Variants in SCAMP1 observed in about 807,000 individuals in gnomAD.
The protein encoded by SCAMP1 is secretory carrier membrane protein 1, also known as secretory carrier-associated membrane protein 1.
In SCAMP1, 15 loss-of-function variants were observed where a neutral mutation model predicts 41.8. The observed-to-expected ratio is 0.36, with a 90% CI of 0.24 to 0.55. SCAMP1 has a LOEUF of 0.55. Ranked by LOEUF, SCAMP1 falls within the 20% of genes least tolerant of loss-of-function variation. SCAMP1 has a pLI of 0.86. For missense variants in SCAMP1, 341 were observed against 412.6 expected (o/e 0.83, Z 1.50); for synonymous variants, 135 against 136.8 (o/e 0.99, Z 0.09).
rs1480232550 is a variant in SCAMP1 at position 78,476,750 on chromosome 5, G to A, written c.*1082G>A. The A allele has an allele frequency of 2.6e-5, 4 of 152,326 alleles. No individual in the cohort carries two copies. Among genetic ancestry groups the A allele is most frequent in the African/African-American group, 9.7e-5 (4 of 41,338 alleles). 9.4% of individuals were successfully genotyped at this position (152,326 alleles called of 1,614,324 possible). ...TTTTCACATACTTGAATCCCTAAAT[G>A]CACCTGTCTTTCACTTTTTGAGACA... On this transcript the variant is annotated 3_prime_UTR_variant, in exon 9 of 9. Coordinates refer to ENST00000621999, the MANE Select transcript of SCAMP1 (RefSeq NM_004866.6).
chr5:78,370,244 G>C (rs961743416), intron 1 of SCAMP1, among the ~76,000 whole-genome samples: 1 of 152,202 alleles, frequency 6.6e-6, no homozygotes, highest in Non-Finnish European at 1.5e-5. Context: ...ACAGTTTTTG[G>C]TGGTGTAGTG....
At chr5:78,372,404 T>G (rs934462158) in intron 1 of SCAMP1, among the ~76,000 whole-genome samples, 4 of 152,152 alleles carry the variant, frequency 2.6e-5, no homozygotes, top group African/African-American at 4.8e-5. Context: ...ACAATTGTAG[T>G]ATGTAGCACC....
intron 6 of SCAMP1, among the ~76,000 whole-genome samples, chr5:78,436,422 G>A (rs998851391): frequency 9.2e-5 from 14 of 152,040 alleles, no homozygotes; most frequent in East Asian, 1.9e-4. Context: ...GAAGGGATCC[G>A]GTTTCAGCTT....
At chr5:78,428,377 A>G (rs551111518) in intron 6 of SCAMP1, among the ~76,000 whole-genome samples, 2 of 152,222 alleles carry the variant, frequency 1.3e-5, no homozygotes, top group East Asian at 1.9e-4. Flanking sequence ...GGAGAGGTCT[A>G]TTTTTGGACT....
rs543379967 is a variant in SCAMP1 at position 78,451,649 on chromosome 5, TTTGATTGA to T, written c.734+1636_734+1643del. Among the ~76,000 whole-genome samples, 170 of 152,214 alleles carry T rather than the reference TTTGATTGA, an allele frequency of 1.1e-3. 3 individuals are homozygous for T. In the South Asian group the frequency reaches 0.031, roughly 28 times the overall value. ...TATGTTTATCTGTAGTTTATTCTAA[TTTGATTGA>T]TTGATTGATTGATTGATTGAGACAG... On this transcript the variant is annotated intron_variant, in intron 7 of 8. Transcript: ENST00000621999.
chr5:78,365,126 A>G (rs1342037979), intron 1 of SCAMP1, among the ~76,000 whole-genome samples: 2 of 152,156 alleles, frequency 1.3e-5, no homozygotes, highest in African/African-American at 2.4e-5. Flanking sequence ...TAAGAGCTTA[A>G]TGTATAGTGG....
At chr5:78,424,933 C>T (rs1580684512) in intron 6 of SCAMP1, among the ~76,000 whole-genome samples, 1 of 152,150 alleles carries the variant, frequency 6.6e-6, no homozygotes, top group Non-Finnish European at 1.5e-5. Flanking sequence ...ACTTAAAAAG[C>T]TGTGCGGTTC....
In SCAMP1 at chr5:78,459,285, C is replaced by T. The variant is rs1430274486; in HGVS notation, c.775C>T (p.Pro259Ser). 6.2e-7 allele frequency: 1 copy of T among 1,605,820 alleles called. No individual in the cohort carries two copies. Residue 259 changes from proline to serine, a missense_variant, in exon 8 of 9, where the codon CCT becomes TCT. Coordinates refer to ENST00000621999, the MANE Select transcript of SCAMP1 (RefSeq NM_004866.6). The part of the protein sequence containing the change: ...SSLTGLNQNI[P>S]VGIMMIIIAA... ...CCTTACTGGTCTCAACCAAAATATT[C>T]CTGTTGGAATCATGATGATAATCAT...
At chr5:78,376,761 G>T (rs1389415467) in intron 1 of SCAMP1, among the ~76,000 whole-genome samples, 1 of 152,180 alleles carries the variant, frequency 6.6e-6, no homozygotes, top group Non-Finnish European at 1.5e-5. Context: ...GACCAGTAAG[G>T]AGTTCATTGC....
chr5:78,427,467 T>G (rs1752496033), intron 6 of SCAMP1, among the ~76,000 whole-genome samples: 1 of 152,154 alleles, frequency 6.6e-6, no homozygotes, highest in South Asian at 2.1e-4. Context: ...AAATCCAAAC[T>G]GTAACAGCGT....
At chr5:78,410,459 C>T (rs1237237480) in intron 2 of SCAMP1, among the ~76,000 whole-genome samples, 3 of 152,140 alleles carry the variant, frequency 2.0e-5, no homozygotes, top group Non-Finnish European at 4.4e-5. Context: ...ATCGATATCC[C>T]TGCTAAGGAC....
intron 8 of SCAMP1, among the ~76,000 whole-genome samples, chr5:78,462,542 T>G (rs996925679): frequency 6.6e-6 from 1 of 152,206 alleles, no homozygotes; most frequent in Non-Finnish European, 1.5e-5. Context: ...CAGTCTGGTC[T>G]GTAACTCCTG....
At chr5:78,463,309 T>C (rs1753663509) in intron 8 of SCAMP1, among the ~76,000 whole-genome samples, 1 of 152,238 alleles carries the variant, frequency 6.6e-6, no homozygotes, top group Non-Finnish European at 1.5e-5. Flanking sequence ...CTATTCTTTC[T>C]CCTCCATTTC....
intron 6 of SCAMP1, among the ~76,000 whole-genome samples, chr5:78,430,567 C>G (rs561089564): frequency 2.0e-4 from 31 of 151,796 alleles, no homozygotes; most frequent in African/African-American, 7.2e-4. Context: ...CTTTATATAA[C>G]TACAAGAAGA....
intron 1 of SCAMP1, among the ~76,000 whole-genome samples, chr5:78,375,589 A>G (rs1471869844): frequency 1.3e-5 from 2 of 152,166 alleles, no homozygotes; most frequent in Non-Finnish European, 2.9e-5. Context: ...ATAAATGTTT[A>G]ATATATTCAA....
intron 1 of SCAMP1, among the ~76,000 whole-genome samples, chr5:78,373,420 C>T (rs138496339): frequency 9.8e-4 from 149 of 152,254 alleles, no homozygotes; most frequent in African/African-American, 3.3e-3. Flanking sequence ...CAGAGACTGA[C>T]TAACTCAACC....
At position 78,398,355 on chromosome 5, in the gene SCAMP1, C is replaced by CTTTTTT. The variant is rs1197381285; in HGVS notation, c.135+9463_135+9468dup. On this transcript the variant is annotated intron_variant, in intron 2 of 8. Coordinates refer to ENST00000621999, the MANE Select transcript of SCAMP1 (RefSeq NM_004866.6). The stretch of plus-strand genomic sequence containing the variant: ...CTATAGTTTATCCTAGGGTTCACCT[C>CTTTTTT]TTTTTTTTTTTTTTTTTTTTTTTTT... 1.2e-3 allele frequency among the ~76,000 whole-genome samples: 70 copies of CTTTTTT among 57,484 alleles called. 13 individuals are homozygous for CTTTTTT. Among genetic ancestry groups the CTTTTTT allele is most frequent in the African/African-American group, 4.4e-3 (59 of 13,384 alleles). 37.7% of individuals were successfully genotyped at this position (57,484 alleles called of 152,430 possible). A position where few individuals can be genotyped will look rare whatever the true frequency, so the allele number is the denominator to read the frequency against.
chr5:78,450,579 C>T (rs1753199601), intron 7 of SCAMP1, among the ~76,000 whole-genome samples: 1 of 152,168 alleles, frequency 6.6e-6, no homozygotes, highest in South Asian at 2.1e-4. Context: ...TATCTGGACC[C>T]AGGCTAGGAG....
chr5:78,454,021 C>A (rs1365694418), intron 7 of SCAMP1, among the ~76,000 whole-genome samples: 1 of 152,148 alleles, frequency 6.6e-6, no homozygotes, highest in Non-Finnish European at 1.5e-5. Flanking sequence ...GTGATTTTTG[C>A]ACATTGATTT....
Sources: allele counts gnomAD v4.1 joint callset (sites outside exome capture counted in the v4.1 genomes callset), GRCh38; gene constraint gnomAD v4.1.1; transcripts MANE v1.5; gene names NCBI Gene and HGNC (gene_info 2026-07-23, HGNC 2026-07-21).